TBC1D19: variants seen among roughly 807,000 people sequenced by gnomAD.
TBC1D19 encodes TBC1 domain family, member 19.
A neutral mutation model predicts 89.0 loss-of-function variants in TBC1D19; 60 were observed. That is an observed-to-expected ratio of 0.67 (90% CI 0.55 to 0.84). The LOEUF (loss-of-function observed/expected upper bound fraction) is 0.84, where lower values mean the gene tolerates loss of function less well. Among genes scored for constraint, TBC1D19 ranks in the 40% least tolerant of loss-of-function variants. The pLI, the probability that TBC1D19 is intolerant of heterozygous loss-of-function variation, is 0.00. For synonymous variants in TBC1D19, 189 were observed against 199.7 expected (o/e 0.95, Z 0.45); for missense variants, 500 against 610.8 (o/e 0.82, Z 1.91).
intron 4 of TBC1D19, among the ~76,000 whole-genome samples, chr4:26,625,839 C>G (rs1742354511): frequency 6.6e-6 from 1 of 152,104 alleles, no homozygotes; most frequent in Admixed American, 6.6e-5. Context: ...AGGGTACATA[C>G]TATTAGCATG....
chr4:26,595,531 A>T (rs1740153005), intron 1 of TBC1D19, among the ~76,000 whole-genome samples: 1 of 152,088 alleles, frequency 6.6e-6, no homozygotes, highest in Non-Finnish European at 1.5e-5. Context: ...TGTCTTCTAG[A>T]TGTCTTATAT....
At chr4:26,827,717 G>GTTTTT in the TBC1D19 span, among the ~76,000 whole-genome samples, 1 of 143,710 alleles carries the variant, frequency 7.0e-6, no homozygotes, top group Non-Finnish European at 1.5e-5. Flanking sequence ...TTTTTGTTTT[G>GTTTTT]TTTTTTTTTT....
At chr4:26,790,939 T>C in the TBC1D19 span, among the ~76,000 whole-genome samples, 1 of 152,194 alleles carries the variant, frequency 6.6e-6, no homozygotes, top group Non-Finnish European at 1.5e-5. Context: ...CATTTATTTA[T>C]GGTAACTGAG....
At chr4:26,589,899 A>G (rs1739654082) in intron 1 of TBC1D19, among the ~76,000 whole-genome samples, 1 of 152,060 alleles carries the variant, frequency 6.6e-6, no homozygotes, top group South Asian at 2.1e-4. Context: ...GTGGCAGCCT[A>G]TCTCGTTTTG....
upstream of TBC1D19, among the ~76,000 whole-genome samples, chr4:26,580,076 T>A (rs1294399958): frequency 6.6e-6 from 1 of 152,164 alleles, no homozygotes; most frequent in Non-Finnish European, 1.5e-5. Context: ...CCCTTTTGCA[T>A]AGAGTCAACA....
chr4:26,587,852 CT>C (rs1739512419), intron 1 of TBC1D19, among the ~76,000 whole-genome samples: 1 of 151,540 alleles, frequency 6.6e-6, no homozygotes, highest in Non-Finnish European at 1.5e-5. Flanking sequence ...TTATCTATTT[CT>C]TCTTCTGTAA....
chr4:26,672,050 CATTA>C (rs1712356512), intron 9 of TBC1D19, 95 bp from the exon 10 acceptor site: 1 of 580,484 alleles, frequency 1.7e-6, no homozygotes, highest in Admixed American at 4.6e-5. Flanking sequence ...CTTTAAAAAT[CATTA>C]AATGTATCAA....
chr4:26,768,308 C>T, the TBC1D19 span, among the ~76,000 whole-genome samples: 3 of 152,186 alleles, frequency 2.0e-5, no homozygotes, highest in Non-Finnish European at 2.9e-5. Flanking sequence ...TCCAACCTAG[C>T]AAAGCTTAAA....
the TBC1D19 span, among the ~76,000 whole-genome samples, chr4:26,810,217 T>C: frequency 6.6e-6 from 1 of 152,192 alleles, no homozygotes; most frequent in African/African-American, 2.4e-5. Flanking sequence ...GCACCCTGTA[T>C]CAGCTGCCTT....
intron 7 of TBC1D19, among the ~76,000 whole-genome samples, chr4:26,659,246 A>G (rs1745066178): frequency 6.6e-6 from 1 of 152,170 alleles, no homozygotes; most frequent in Non-Finnish European, 1.5e-5. Context: ...ATTACAATCA[A>G]GCAAGATTTT....
chr4:26,812,769 A>G, the TBC1D19 span, among the ~76,000 whole-genome samples: 5 of 150,894 alleles, frequency 3.3e-5, no homozygotes, highest in Non-Finnish European at 5.9e-5. The surrounding 1 kb of genome is among the most constrained non-coding windows in gnomAD (Gnocchi z 4.2). Flanking sequence ...AAGGATATAT[A>G]TATAAAAAAT....
the TBC1D19 span, among the ~76,000 whole-genome samples, chr4:26,840,399 G>A: frequency 4.6e-5 from 7 of 152,228 alleles, no homozygotes; most frequent in African/African-American, 1.7e-4. Flanking sequence ...TCTAACTATT[G>A]GCTCAATTTT....
chr4:26,668,187 T>C (rs1164815314), intron 9 of TBC1D19, among the ~76,000 whole-genome samples: 1 of 151,926 alleles, frequency 6.6e-6, no homozygotes, highest in Non-Finnish European at 1.5e-5. Flanking sequence ...ATAAAATATC[T>C]TATACTTTTA....
At chr4:26,790,119 C>A in the TBC1D19 span, among the ~76,000 whole-genome samples, 6 of 152,088 alleles carry the variant, frequency 3.9e-5, no homozygotes, top group Admixed American at 1.3e-4. Context: ...ACTAAACACC[C>A]AGACTCCACT....
chr4:26,813,634 T>C, the TBC1D19 span, among the ~76,000 whole-genome samples: 1 of 152,224 alleles, frequency 6.6e-6, no homozygotes, highest in South Asian at 2.1e-4. Context: ...GATAAGGTAC[T>C]GTGGGCTGAC....
chr4:26,591,891 C>T (rs192892706), intron 1 of TBC1D19, among the ~76,000 whole-genome samples: 1 of 152,166 alleles, frequency 6.6e-6, no homozygotes, highest in Non-Finnish European at 1.5e-5. Flanking sequence ...GGATTCACAG[C>T]CAGATTCTAC....
At chr4:26,833,674 ATGG>A in the TBC1D19 span, among the ~76,000 whole-genome samples, 1 of 152,240 alleles carries the variant, frequency 6.6e-6, no homozygotes, top group Non-Finnish European at 1.5e-5. Flanking sequence ...GCCATGGATA[ATGG>A]AACTTGTGCA....
At chr4:26,758,964 C>T (rs1482850528), downstream of TBC1D19, among the ~76,000 whole-genome samples, 1 of 152,164 alleles carries the variant, frequency 6.6e-6, no homozygotes, top group African/African-American at 2.4e-5. Flanking sequence ...CTGAACTACT[C>T]GAAGTACCTA....
intron 1 of TBC1D19, among the ~76,000 whole-genome samples, chr4:26,598,442 T>C (rs1740373953): frequency 6.6e-6 from 1 of 152,182 alleles, no homozygotes; most frequent in Non-Finnish European, 1.5e-5. Flanking sequence ...TCGCCCAGAC[T>C]GGAGTGCAGA....
Sources: allele counts gnomAD v4.1 joint callset (sites outside exome capture counted in the v4.1 genomes callset), GRCh38; gene constraint gnomAD v4.1.1; non-coding constraint Gnocchi (gnomAD v3.1); transcripts MANE v1.5; gene names NCBI Gene and HGNC (gene_info 2026-07-23, HGNC 2026-07-21).